The following SPINK6 variants were observed in gnomAD, a reference collection of about 807,000 sequenced individuals.
SPINK6 encodes the protein serine protease inhibitor Kazal-type 6.
In SPINK6, 13 loss-of-function variants were observed where a neutral mutation model predicts 11.7. The observed-to-expected ratio is 1.11, with a 90% CI of 0.72 to 1.76. SPINK6 has a LOEUF of 1.76. Among genes scored for constraint, SPINK6 ranks in the 40% most tolerant of loss-of-function variants. SPINK6 has a pLI of 0.00. For synonymous variants in SPINK6, 21 were observed against 31.9 expected (o/e 0.66, Z 1.15); for missense variants, 98 against 93.7 (o/e 1.05, Z -0.19).
chr5:148,206,107 T>C (rs1165230978), intron 2 of SPINK6, 49 bp downstream of exon 2: 15 of 1,608,358 alleles, frequency 9.3e-6, no homozygotes, highest in Non-Finnish European at 1.3e-5. Flanking sequence ...GTGCTTGGCT[T>C]GATCTTCACT....
intron 1 of SPINK6, among the ~76,000 whole-genome samples, chr5:148,205,714 C>T (rs1183684991): frequency 6.6e-6 from 1 of 152,110 alleles, no homozygotes; most frequent in Non-Finnish European, 1.5e-5. Flanking sequence ...ATGATAAGGT[C>T]ATTTTCGTAG....
intron 2 of SPINK6, among the ~76,000 whole-genome samples, chr5:148,212,747 ATTTTATATAAAG>A (rs1755628928): frequency 1.5e-5 from 2 of 129,072 alleles, no homozygotes; most frequent in African/African-American, 5.8e-5. Flanking sequence ...ATATTTATAC[ATTTTATATAAAG>A]TATATATTGT....
intron 2 of SPINK6, 64 bp downstream of exon 2, chr5:148,206,122 A>G: frequency 6.3e-7 from 1 of 1,581,650 alleles, no homozygotes. Flanking sequence ...TTCACTGGCC[A>G]AAAAGAAATT....
At position 148,206,042 on chromosome 5, in the gene SPINK6, T is replaced by G; in HGVS notation, c.65T>G (p.Phe22Cys). ...TGTTGTGCTTTTCTTTCAGGTGTCT[T>G]CAGTCAGGGAGGACAGGTCAGTGCC... ...LALFCFLTGV[F>C]SQGGQVDCGE... is the part of the protein sequence containing the mutation. The change falls in exon 2 of 4, where the codon TTC becomes TGC. Residue 22 changes from phenylalanine to cysteine, a missense_variant. Coordinates refer to ENST00000325630, the MANE Select transcript of SPINK6 (RefSeq NM_205841.4). The G allele has an allele frequency of 6.2e-7, 1 of 1,614,092 alleles. No homozygotes were observed.
intron 2 of SPINK6, among the ~76,000 whole-genome samples, chr5:148,210,408 A>G (rs566111546): frequency 1.4e-4 from 21 of 149,276 alleles, no homozygotes; most frequent in African/African-American, 4.9e-4. Context: ...TTCTGCATAC[A>G]TATATATGTA....
chr5:148,206,132 T>C (rs1275378750), intron 2 of SPINK6, 74 bp downstream of exon 2: 1 of 1,540,760 alleles, frequency 6.5e-7, no homozygotes, highest in East Asian at 2.2e-5. Flanking sequence ...AAAAAGAAAT[T>C]TGTCTATGGT....
intron 2 of SPINK6, among the ~76,000 whole-genome samples, chr5:148,207,102 G>A (rs58948001): frequency 0.038 from 5,818 of 151,854 alleles, 379 homozygotes; most frequent in African/African-American, 0.13. Context: ...TGTTGGCATT[G>A]TCATATGAAA....
At chr5:148,205,922 C>G (rs1022080900) in intron 1 of SPINK6, 114 bp from the exon 2 acceptor site, 2 of 1,095,664 alleles carry the variant, frequency 1.8e-6, no homozygotes, top group Non-Finnish European at 2.7e-6. Context: ...AATACGATGA[C>G]TTTTTAAGAT....
chr5:148,203,326 T>G lies in SPINK6; in HGVS notation c.58+172T>G, dbSNP rs372110361. On this transcript the variant is annotated intron_variant, in intron 1 of 3. Coordinates refer to ENST00000325630, the MANE Select transcript of SPINK6 (RefSeq NM_205841.4). The stretch of plus-strand genomic sequence containing the variant: ...CGACAATGGTTATGGTAATAATTAT[T>G]AAAATTACTGTGATTTGTTGAGCAT... 1.7e-4 allele frequency among the ~76,000 whole-genome samples: 26 copies of G among 152,284 alleles called. No individual in the cohort carries two copies. In the South Asian group the frequency reaches 3.7e-3, roughly 22 times the overall value.
chr5:148,214,340 A>G (rs1381731008), intron 3 of SPINK6, among the ~76,000 whole-genome samples: 1 of 152,164 alleles, frequency 6.6e-6, no homozygotes, highest in Non-Finnish European at 1.5e-5. Context: ...ATATGTTTTA[A>G]TGTTTTCATT....
In SPINK6 at chr5:148,212,190, T is replaced by C. The variant is rs531220568; in HGVS notation, c.82-1720T>C. Among the ~76,000 whole-genome samples, 104 of 152,160 alleles carry C rather than the reference T, an allele frequency of 6.8e-4. 1 individual carries two copies. The highest frequency in any genetic ancestry group is 1.2e-3 in the Non-Finnish European group (82 of 68,018). On this transcript the variant is annotated intron_variant, in intron 2 of 3. Transcript: ENST00000325630. ...GGCAAAGGTGCTACCATTCCTACTA[T>C]GGAGCCCATAATAATAATTATTAAT...
chr5:148,213,878 T>G (rs1295957704), intron 2 of SPINK6, 32 bp from the exon 3 acceptor site: 4 of 1,122,604 alleles, frequency 3.6e-6, no homozygotes, highest in Non-Finnish European at 5.5e-6. Flanking sequence ...TAGAATGCAC[T>G]GATGTCAATG....
intron 2 of SPINK6, among the ~76,000 whole-genome samples, chr5:148,212,656 A>G (rs1326528987): frequency 2.6e-4 from 27 of 102,586 alleles, no homozygotes; most frequent in African/African-American, 1.2e-3. Flanking sequence ...AAATATATAT[A>G]TTTATATATT....
At chr5:148,209,806 G>A (rs1474105159) in intron 2 of SPINK6, among the ~76,000 whole-genome samples, 1 of 151,694 alleles carries the variant, frequency 6.6e-6, no homozygotes, top group Non-Finnish European at 1.5e-5. Flanking sequence ...AGGGAGGGTT[G>A]GAGAATCTAA....
In SPINK6 at chr5:148,213,931, G is replaced by A; in HGVS notation, c.103G>A (p.Asp35Asn). The A allele has an allele frequency of 1.9e-6, 3 of 1,608,978 alleles. No individual in the cohort carries two copies. The highest frequency in any genetic ancestry group is 2.6e-6 in the Non-Finnish European group (3 of 1,175,276). Reference protein sequence around the residue: ...GGQVDCGEFQDPKVYCTRESN... With the variant: ...GGQVDCGEFQNPKVYCTRESN... ...GTAGGTTGACTGTGGTGAGTTCCAG[G>A]ACCCCAAGGTCTACTGCACTCGGGA... Residue 35 changes from aspartate to asparagine, a missense_variant, in exon 3 of 4, where the codon GAC (aspartate) becomes AAC (asparagine). By Grantham distance (23) the Asp-to-Asn change is conservative. Transcript: ENST00000325630.
In SPINK6 at chr5:148,214,018, G is replaced by C; in HGVS notation, c.190G>C (p.Ala64Pro). 1.3e-6 allele frequency: 2 copies of C among 1,593,730 alleles called. No homozygotes were observed. The highest frequency in any genetic ancestry group is 1.7e-4 in the Middle Eastern group (1 of 6,028). Residue 64 changes from alanine to proline, a missense_variant, in exon 3 of 4, where the codon GCC becomes CCC. Transcript: ENST00000325630. ...TGGCAATAAATGTGCCTTCTGTAAG[G>C]CCATAGTGTAAGTATTATATTCATC... ...TYGNKCAFCK[A>P]IVKSGGKISL...
chr5:148,210,124 AC>A (rs1561732423), intron 2 of SPINK6, among the ~76,000 whole-genome samples: 1 of 150,490 alleles, frequency 6.6e-6, no homozygotes, highest in African/African-American at 2.4e-5. Flanking sequence ...ATGTATGTTT[AC>A]ATTTATTTCT....
chr5:148,204,438 T>A (rs1755472392), intron 1 of SPINK6, among the ~76,000 whole-genome samples: 1 of 150,348 alleles, frequency 6.7e-6, no homozygotes, highest in African/African-American at 2.5e-5. Context: ...TTTAACAGGA[T>A]CTGGTTGACT....
intron 2 of SPINK6, among the ~76,000 whole-genome samples, chr5:148,211,617 G>C (rs563568875): frequency 6.6e-6 from 1 of 152,078 alleles, no homozygotes; most frequent in East Asian, 1.9e-4. Context: ...TGCAGGCATC[G>C]AGTCCGTTGT....
Sources: gnomAD v4.1 joint callset for allele counts (sites outside exome capture counted in the v4.1 genomes callset) on GRCh38, gnomAD v4.1.1 for gene constraint, MANE v1.5 for transcripts, NCBI Gene and HGNC (gene_info 2026-07-23, HGNC 2026-07-21) for gene names.